Variants in AJAP1 observed in about 807,000 individuals in gnomAD.
The protein encoded by AJAP1 is adherens junctions associated protein 1.
A neutral mutation model predicts 35.0 loss-of-function variants in AJAP1; 5 were observed. That is an observed-to-expected ratio of 0.14 (90% CI 0.07 to 0.30). AJAP1 has a LOEUF of 0.30. AJAP1 is among the 10% of genes least tolerant of loss of function. The pLI, the probability that AJAP1 is intolerant of heterozygous loss-of-function variation, is 1.00. For synonymous variants in AJAP1, 284 were observed against 249.3 expected (o/e 1.14, Z -1.31); for missense variants, 586 against 571.0 (o/e 1.03, Z -0.27).
At chr1:4,662,631 G>A (rs911583910) in intron 1 of AJAP1, among the ~76,000 whole-genome samples, 1 of 152,076 alleles carries the variant, frequency 6.6e-6, no homozygotes, top group Non-Finnish European at 1.5e-5. Context: ...CGGTGGGGCC[G>A]CAAGAAGCCC....
intron 5 of AJAP1, among the ~76,000 whole-genome samples, chr1:4,775,471 TCTTA>T (rs1641923466): frequency 6.6e-6 from 1 of 152,236 alleles, no homozygotes; most frequent in Admixed American, 6.5e-5. Flanking sequence ...AATATTTTTT[TCTTA>T]CTTTTTGCCC....
chr1:4,777,736 A>G (rs1641968456), intron 5 of AJAP1: 1 of 152,256 alleles, frequency 6.6e-6, no homozygotes, highest in Admixed American at 6.5e-5. Context: ...TGAGAAATAA[A>G]TCATGCACTA....
At chr1:4,739,392 T>C (rs1305090035) in intron 2 of AJAP1, among the ~76,000 whole-genome samples, 1 of 152,322 alleles carries the variant, frequency 6.6e-6, no homozygotes, top group East Asian at 1.9e-4. Flanking sequence ...GCGACAGGCC[T>C]GGGAAGCCCA....
intron 2 of AJAP1, among the ~76,000 whole-genome samples, chr1:4,752,599 A>C (rs1289007276): frequency 1.2e-4 from 19 of 152,186 alleles, no homozygotes; most frequent in Admixed American, 1.1e-3. Context: ...AGCTTCCAGC[A>C]TGCAGCTCTG....
In AJAP1 at chr1:4,683,948, G is replaced by A. The variant is rs527781182; in HGVS notation, c.30-27952G>A. ...TTCCTAGGGAGCATCAGATGCGTAG[G>A]CATTCATAAGACACAGACACACAGG... On this transcript the variant is annotated intron_variant, in intron 1 of 5. Coordinates refer to ENST00000378191, the MANE Select transcript of AJAP1 (RefSeq NM_018836.4). 4.8e-4 allele frequency among the ~76,000 whole-genome samples: 73 copies of A among 152,248 alleles called. 1 individual carries two copies. The highest frequency in any genetic ancestry group is 1.7e-3 in the African/African-American group (71 of 41,548).
intron 2 of AJAP1, among the ~76,000 whole-genome samples, chr1:4,746,655 C>A (rs1641195457): frequency 2.6e-5 from 4 of 152,188 alleles, no homozygotes; most frequent in Admixed American, 2.6e-4. Flanking sequence ...TTAGGGCTTA[C>A]AATGAAAAAT....
At chr1:4,711,526 G>C (rs1334180962) in intron 1 of AJAP1, among the ~76,000 whole-genome samples, 1 of 152,194 alleles carries the variant, frequency 6.6e-6, no homozygotes, top group Admixed American at 6.5e-5. Flanking sequence ...AAAGGAAGGA[G>C]GGACTCACAG....
In AJAP1 at chr1:4,787,573, T is replaced by C. The variant is rs1318548432; in HGVS notation, c.*5088T>C. ...CGCCTGGTTCTCCACCAAATTCCTC[T>C]GTCATTCCAGCAAGAGTGGAAGCAG... On this transcript the variant is annotated 3_prime_UTR_variant, in exon 6 of 6. Transcript: ENST00000378191. 2.4e-6 allele frequency: 1 copy of C among 416,434 alleles called. No homozygotes were observed. The highest frequency in any genetic ancestry group is 7.2e-5 in the East Asian group (1 of 13,910). 25.8% of individuals were successfully genotyped at this position (416,434 alleles called of 1,614,324 possible).
In AJAP1 at chr1:4,789,195, A is replaced by G. The variant is rs1446577639; in HGVS notation, c.*6710A>G. On this transcript the variant is annotated 3_prime_UTR_variant, in exon 6 of 6. Coordinates refer to ENST00000378191, the MANE Select transcript of AJAP1 (RefSeq NM_018836.4). The surrounding 1 kb of genome is among the most constrained non-coding windows in gnomAD (Gnocchi z 4.4). ...AGCGGGGGAAGGGAACAGTGACTGT[A>G]TAAATGGCCATATAAATGACCTACT... 1 of 152,236 alleles carries G rather than the reference A, an allele frequency of 6.6e-6. No homozygotes were observed. Among genetic ancestry groups the G allele is most frequent in the African/African-American group, 2.4e-5 (1 of 41,458 alleles). 9.4% of individuals were successfully genotyped at this position (152,236 alleles called of 1,614,324 possible). A position where few individuals can be genotyped will look rare whatever the true frequency, so the allele number is the denominator to read the frequency against.
intron 1 of AJAP1, among the ~76,000 whole-genome samples, chr1:4,659,319 G>A (rs1201355789): frequency 5.3e-5 from 8 of 152,160 alleles, no homozygotes; most frequent in Non-Finnish European, 1.0e-4. Flanking sequence ...TTGAAGTCTG[G>A]CTTGAGAGGG....
At chr1:4,738,442 C>T (rs1191407582) in intron 2 of AJAP1, among the ~76,000 whole-genome samples, 1 of 152,190 alleles carries the variant, frequency 6.6e-6, no homozygotes. Flanking sequence ...TAGGGGGTAG[C>T]TGGTCTGGAG....
Position 4,712,101 on chromosome 1 carries a change from G to C in AJAP1, c.231G>C (p.Pro77=), listed in dbSNP as rs768695809. The C allele has an allele frequency of 6.5e-7, 1 of 1,549,910 alleles. No individual in the cohort carries two copies. Among genetic ancestry groups the C allele is most frequent in the East Asian group, 2.4e-5 (1 of 41,730 alleles). Residue 77 remains proline (P), a synonymous_variant, in exon 2 of 6, where the codon CCG becomes CCC. Coordinates refer to ENST00000378191, the MANE Select transcript of AJAP1 (RefSeq NM_018836.4). ...GACAGCCAGCGCGGGTCCCGGCCCC[G>C]GTGTGGAGCCCCCGGCCGCCCCGAG... ...RSGQPARVPA[P]VWSPRPPRVE... is the part of the protein sequence containing the mutation.
chr1:4,774,663 C>A (rs534194159), intron 5 of AJAP1, 105 bp downstream of exon 5: 10 of 643,236 alleles, frequency 1.6e-5, no homozygotes, highest in Non-Finnish European at 2.7e-5. Context: ...TTAGACATGG[C>A]GGGTGGATTT....
intron 2 of AJAP1, among the ~76,000 whole-genome samples, chr1:4,744,942 C>G (rs144648102): frequency 6.6e-6 from 1 of 152,172 alleles, no homozygotes; most frequent in East Asian, 2.0e-4. Context: ...GGATTCGGGG[C>G]TGGGAGGCTC....
At chr1:4,690,051 GC>G (rs1366599131) in intron 1 of AJAP1, among the ~76,000 whole-genome samples, 4 of 152,126 alleles carry the variant, frequency 2.6e-5, no homozygotes, top group African/African-American at 9.7e-5. Flanking sequence ...TGCACACCTG[GC>G]CAACGATGGA....
At position 4,734,303 on chromosome 1, in the gene AJAP1, T is replaced by C. The variant is rs1025419098; in HGVS notation, c.829+21604T>C. Among the ~76,000 whole-genome samples, 1 of 152,284 alleles carries C rather than the reference T, an allele frequency of 6.6e-6. No individual in the cohort carries two copies. Among genetic ancestry groups the C allele is most frequent in the East Asian group, 1.9e-4 (1 of 5,158 alleles). On this transcript the variant is annotated intron_variant, in intron 2 of 5. Coordinates refer to ENST00000378191, the MANE Select transcript of AJAP1 (RefSeq NM_018836.4). The surrounding 1 kb of genome is among the most constrained non-coding windows in gnomAD (Gnocchi z 4.3). The stretch of plus-strand genomic sequence containing the variant: ...ACTATTAACAGCGCTGCGTCCATAC[T>C]GGGAGCCAGGTTCTGACAGCTGACT...
In AJAP1 at chr1:4,702,117, T is replaced by C. The variant is rs191817255; in HGVS notation, c.30-9783T>C. ...CCCCAGTATTCTAACGTGTCCCCAGTATTCCAACGTGTCCCCAGTGTTCTC... is the reference window on the plus strand; with the variant it reads ...CCCCAGTATTCTAACGTGTCCCCAGCATTCCAACGTGTCCCCAGTGTTCTC... On this transcript the variant is annotated intron_variant, in intron 1 of 5. Transcript: ENST00000378191. Among the ~76,000 whole-genome samples, 3 of 152,136 alleles carry C rather than the reference T, an allele frequency of 2.0e-5. No individual in the cohort carries two copies. The East Asian group carries it at 5.8e-4, about 29-fold the overall frequency.
At chr1:4,756,098 C>T (rs1641425080) in intron 2 of AJAP1, among the ~76,000 whole-genome samples, 1 of 152,112 alleles carries the variant, frequency 6.6e-6, no homozygotes, top group African/African-American at 2.4e-5. Flanking sequence ...GGTGCAGGAG[C>T]CTGATGAGAG....
At chr1:4,728,251 T>C (rs953985862) in intron 2 of AJAP1, among the ~76,000 whole-genome samples, 1 of 152,168 alleles carries the variant, frequency 6.6e-6, no homozygotes, top group African/African-American at 2.4e-5. Flanking sequence ...CAATGAGACA[T>C]GGCCTTTGGC....
Sources: allele counts gnomAD v4.1 joint callset (sites outside exome capture counted in the v4.1 genomes callset), GRCh38; gene constraint gnomAD v4.1.1; non-coding constraint Gnocchi (gnomAD v3.1); transcripts MANE v1.5; gene names NCBI Gene and HGNC (gene_info 2026-07-23, HGNC 2026-07-21).